EHMT1: variants seen among roughly 807,000 people sequenced by gnomAD.
EHMT1 encodes the protein histone-lysine N-methyltransferase EHMT1.
In EHMT1, 15 loss-of-function variants were observed where a neutral mutation model predicts 147.2. The ratio of observed to expected loss-of-function variants is 0.10; its 90% CI spans 0.07 to 0.16. EHMT1 has a LOEUF of 0.16. EHMT1 is among the 10% of genes least tolerant of loss of function. EHMT1 has a pLI of 1.00. For missense variants in EHMT1, 1,587 were observed against 1,772.4 expected, an observed-to-expected ratio of 0.90 and a Z score of 1.88; for synonymous variants, 795 against 709.6, an observed-to-expected ratio of 1.12 and a Z score of -1.91.
chr9:137,753,419 G>A (rs1166472691), intron 7 of EHMT1, among the ~76,000 whole-genome samples: 1 of 152,198 alleles, frequency 6.6e-6, no homozygotes, highest in African/African-American at 2.4e-5. Context: ...TTTGCCGTGC[G>A]GGGAGCACAG....
intron 1 of EHMT1, among the ~76,000 whole-genome samples, chr9:137,670,466 C>T (rs549312258): frequency 2.6e-4 from 39 of 152,268 alleles, no homozygotes; most frequent in Non-Finnish European, 4.3e-4. Context: ...GGGTGCAGCT[C>T]AGCCTCTGGA....
intron 16 of EHMT1, among the ~76,000 whole-genome samples, chr9:137,794,605 C>T (rs1426967797): frequency 2.0e-5 from 3 of 150,520 alleles, no homozygotes; most frequent in South Asian, 4.2e-4. Flanking sequence ...TGGATTAGCA[C>T]CACTGCACTT....
At chr9:137,769,666 T>C (rs1309240929) in intron 10 of EHMT1, among the ~76,000 whole-genome samples, 1 of 152,228 alleles carries the variant, frequency 6.6e-6, no homozygotes, top group East Asian at 1.9e-4. Context: ...GCTTTGGTTT[T>C]CAGCAGTTTG....
At chr9:137,710,592 G>T (rs1227319557) in intron 1 of EHMT1, among the ~76,000 whole-genome samples, 1 of 152,116 alleles carries the variant, frequency 6.6e-6, no homozygotes, top group African/African-American at 2.4e-5. Flanking sequence ...ATAATTTTTT[G>T]TAGGAGGTTG....
At position 137,803,165 on chromosome 9, in the gene EHMT1, A is replaced by G. The variant is rs1054498850; in HGVS notation, c.2712+2181A>G. The G allele has an allele frequency of 5.7e-6, 7 of 1,222,108 alleles. No individual in the cohort carries two copies. The African/African-American group carries it at 9.3e-5, about 16-fold the overall frequency. The allele number at this position is 1,222,108 out of a possible 1,614,324, so 75.7% of individuals were successfully genotyped here. The stretch of plus-strand genomic sequence containing the variant: ...CTGGTGGCTGTTCCCCCAGAATGGA[A>G]GCATTGATTAAATTTCAAGTTTGTT... On this transcript the variant is annotated intron_variant, in intron 18 of 26. Coordinates refer to ENST00000460843, the MANE Select transcript of EHMT1 (RefSeq NM_024757.5).
intron 25 of EHMT1, among the ~76,000 whole-genome samples, chr9:137,821,490 G>C (rs1334106331): frequency 6.6e-6 from 1 of 151,878 alleles, no homozygotes; most frequent in East Asian, 1.9e-4. Flanking sequence ...ACAATGCCCG[G>C]CTAATTTTTT....
chr9:137,762,171 T>A (rs1039767399), intron 9 of EHMT1, among the ~76,000 whole-genome samples: 3 of 152,254 alleles, frequency 2.0e-5, no homozygotes, highest in African/African-American at 7.2e-5. Context: ...CTTTCCTCTT[T>A]CAGCCTAATA....
At position 137,835,337 on chromosome 9, in the gene EHMT1, G is replaced by A. The variant is rs556512601; in HGVS notation, c.*384G>A. 2.5e-3 allele frequency: 438 copies of A among 172,086 alleles called. 3 individuals carry two copies. Among genetic ancestry groups the A allele is most frequent in the African/African-American group, 0.01 (422 of 42,080 alleles). The allele number at this position is 172,086 out of a possible 1,614,324, so 10.7% of individuals were successfully genotyped here. ...ACGGGGTTGCTCTGTTCTCCTGTCC[G>A]GCCCAGACTCTTCTGTGTGGCGCCG... On this transcript the variant is annotated 3_prime_UTR_variant, in exon 27 of 27. Transcript: ENST00000460843.
At chr9:137,811,963 C>G (rs1249409672) in intron 19 of EHMT1, among the ~76,000 whole-genome samples, 1 of 152,196 alleles carries the variant, frequency 6.6e-6, no homozygotes, top group African/African-American at 2.4e-5. Flanking sequence ...GCTCAGGGTG[C>G]CTTCTGGGAG....
intron 14 of EHMT1, among the ~76,000 whole-genome samples, chr9:137,781,938 C>G (rs1402059549): frequency 6.6e-6 from 1 of 152,184 alleles, no homozygotes; most frequent in East Asian, 1.9e-4. Context: ...CTTGCTTGCT[C>G]CCCTAGGGTG....
intron 1 of EHMT1, among the ~76,000 whole-genome samples, chr9:137,698,089 G>C (rs1277664679): frequency 6.6e-6 from 1 of 150,648 alleles, no homozygotes; most frequent in Non-Finnish European, 1.5e-5. Flanking sequence ...CTCACTCCCT[G>C]GCTTTCACTC....
At chr9:137,759,676 G>C (rs1949654914) in intron 9 of EHMT1, among the ~76,000 whole-genome samples, 1 of 152,272 alleles carries the variant, frequency 6.6e-6, no homozygotes, top group East Asian at 1.9e-4. Context: ...CGATTGGTCA[G>C]TCAGCGATTG....
intron 15 of EHMT1, chr9:137,784,692 G>C (rs900577666): frequency 1.9e-5 from 3 of 154,202 alleles, no homozygotes; most frequent in African/African-American, 7.2e-5. Flanking sequence ...AGGGGGGTGA[G>C]GGAGGGAGCA....
chr9:137,632,937 G>T lies in EHMT1; in HGVS notation c.21+13888G>T, dbSNP rs115700441. Among the ~76,000 whole-genome samples the T allele has an allele frequency of 5.4e-3, 817 of 152,332 alleles. 10 individuals are homozygous for T. The highest frequency in any genetic ancestry group is 0.019 in the African/African-American group (773 of 41,582). On this transcript the variant is annotated intron_variant, in intron 1 of 26. Transcript: ENST00000460843. ...GGGAGTGACCTCATCAGGTTTGCGT[G>T]TTAGGCTCTGGCTTCCTTCCTGGTC...
rs867504844 is a variant in EHMT1 at position 137,743,533 on chromosome 9, G to A, written c.981+5G>A. ...CATTCCACTGTGGGTTCCAAGGTAA[G>A]AGACGCATTTGAGTGAGTTGCCACG... On this transcript the variant is annotated splice_donor_5th_base_variant and intron_variant, in intron 5 of 26. Coordinates refer to ENST00000460843, the MANE Select transcript of EHMT1 (RefSeq NM_024757.5). The A allele has an allele frequency of 2.5e-6, 4 of 1,613,992 alleles. No individual in the cohort carries two copies. Among genetic ancestry groups the A allele is most frequent in the Non-Finnish European group, 3.4e-6 (4 of 1,180,024 alleles).
chr9:137,815,769 T>C, intron 22 of EHMT1, 178 bp from the exon 23 acceptor site: 1 of 663,890 alleles, frequency 1.5e-6, no homozygotes, highest in South Asian at 1.6e-5. Flanking sequence ...GGGTGGAGGC[T>C]TCTCATCCAA....
Position 137,834,426 on chromosome 9 carries a change from C to T in EHMT1, c.3618C>T (p.Asn1206=), listed in dbSNP as rs1177649855. The change falls in exon 26 of 27, where the codon AAC becomes AAT. Residue 1206 remains asparagine (N), a synonymous_variant. Coordinates refer to ENST00000460843, the MANE Select transcript of EHMT1 (RefSeq NM_024757.5). The stretch of plus-strand genomic sequence containing the variant: ...TCATCAACCACCACTGCGAGCCCAA[C>T]CTGGTGCCCGTGCGCGTGTTCATGG... ...SRFINHHCEP[N]LVPVRVFMAH... 12 of 1,613,224 alleles carry T rather than the reference C, an allele frequency of 7.4e-6. No homozygotes were observed. In the South Asian group the frequency reaches 7.7e-5, roughly 10 times the overall value.
At chr9:137,823,105 T>G (rs1955555623) in intron 25 of EHMT1, among the ~76,000 whole-genome samples, 1 of 145,252 alleles carries the variant, frequency 6.9e-6, no homozygotes, top group Non-Finnish European at 1.5e-5. Flanking sequence ...TAATTGTTTT[T>G]TTTTTTTTTT....
rs896335038 is a variant in EHMT1, at chr9:137,775,995, C to T, written c.1792-623C>T. ...TGTTTGAGTGTGAGCTTCAGGCACC[C>T]AGAGATGCCCTGCTGCCCCTTTACG... On this transcript the variant is annotated intron_variant, in intron 11 of 26. Transcript: ENST00000460843. The surrounding 1 kb of genome is among the most constrained non-coding windows in gnomAD (Gnocchi z 6.1). 1.3e-5 allele frequency among the ~76,000 whole-genome samples: 2 copies of T among 152,116 alleles called. No individual in the cohort carries two copies. Among genetic ancestry groups the T allele is most frequent in the African/African-American group, 4.8e-5 (2 of 41,400 alleles).
Sources: gnomAD v4.1 joint callset for allele counts (sites outside exome capture counted in the v4.1 genomes callset) on GRCh38, gnomAD v4.1.1 for gene constraint, Gnocchi (gnomAD v3.1) non-coding constraint, MANE v1.5 for transcripts, NCBI Gene and HGNC (gene_info 2026-07-23, HGNC 2026-07-21) for gene names.